Variants in QTMAN observed in about 807,000 individuals in gnomAD.
QTMAN encodes the protein tRNA-queuosine alpha-mannosyltransferase.
chr2:144,194,466 A>G, the QTMAN span, among the ~76,000 whole-genome samples: 1 of 152,184 alleles, frequency 6.6e-6, no homozygotes, highest in African/African-American at 2.4e-5. Context: ...AAAAACCATC[A>G]TATGTTCCTA....
At chr2:144,039,686 C>G in the QTMAN span, among the ~76,000 whole-genome samples, 1 of 152,108 alleles carries the variant, frequency 6.6e-6, no homozygotes, top group Non-Finnish European at 1.5e-5. Flanking sequence ...ATAGGCACAA[C>G]CTTTTCCTGA....
At chr2:144,145,635 A>G in the QTMAN span, 3 of 1,610,922 alleles carry the variant, frequency 1.9e-6, no homozygotes, top group Non-Finnish European at 2.5e-6. Flanking sequence ...GACAGGATAT[A>G]TCAACTGGTT....
At chr2:144,056,335 G>T in the QTMAN span, among the ~76,000 whole-genome samples, 1 of 152,158 alleles carries the variant, frequency 6.6e-6, no homozygotes, top group Non-Finnish European at 1.5e-5. Flanking sequence ...ACTATGTGTG[G>T]TCTGAACAAA....
the QTMAN span, among the ~76,000 whole-genome samples, chr2:144,176,023 A>T: frequency 6.6e-6 from 1 of 152,136 alleles, no homozygotes; most frequent in Non-Finnish European, 1.5e-5. Context: ...TGAGAACTTC[A>T]ATATTATTTT....
At chr2:144,206,817 G>A in the QTMAN span, among the ~76,000 whole-genome samples, 1 of 152,134 alleles carries the variant, frequency 6.6e-6, no homozygotes, top group African/African-American at 2.4e-5. Context: ...ATACAATAAT[G>A]TAATTCTGAA....
chr2:144,204,947 AAC>A, the QTMAN span, among the ~76,000 whole-genome samples: 1 of 139,688 alleles, frequency 7.2e-6, no homozygotes, highest in Non-Finnish European at 1.5e-5. Context: ...GAACAATGAG[AAC>A]ACATGGACAC....
the QTMAN span, among the ~76,000 whole-genome samples, chr2:144,044,585 T>C: frequency 6.6e-6 from 1 of 152,212 alleles, no homozygotes; most frequent in Admixed American, 6.5e-5. Context: ...TGTATTTTTT[T>C]CCCCAAGCCA....
At chr2:144,290,195 G>A in the QTMAN span, among the ~76,000 whole-genome samples, 1 of 152,050 alleles carries the variant, frequency 6.6e-6, no homozygotes, top group Non-Finnish European at 1.5e-5. Context: ...GGGGGCTAAG[G>A]GGATGGAACA....
At chr2:144,178,902 C>A in the QTMAN span, 1 of 453,518 alleles carries the variant, frequency 2.2e-6, no homozygotes. Context: ...TGCTTCATAC[C>A]AAAAGGTTAA....
chr2:143,992,867 G>C, the QTMAN span, among the ~76,000 whole-genome samples: 2 of 152,014 alleles, frequency 1.3e-5, no homozygotes, highest in African/African-American at 4.8e-5. Context: ...TTCCAAACAG[G>C]AATATGGAAT....
chr2:144,277,414 T>C, the QTMAN span, among the ~76,000 whole-genome samples: 1 of 152,108 alleles, frequency 6.6e-6, no homozygotes, highest in African/African-American at 2.4e-5. Flanking sequence ...TTTGCATGGG[T>C]CTAGGTTTTA....
chr2:144,102,390 G>C, the QTMAN span, among the ~76,000 whole-genome samples: 1 of 152,280 alleles, frequency 6.6e-6, no homozygotes, highest in East Asian at 1.9e-4. Context: ...GGTATACTAG[G>C]CATTTTGTGT....
chr2:144,102,075 T>C, the QTMAN span, among the ~76,000 whole-genome samples: 1 of 152,206 alleles, frequency 6.6e-6, no homozygotes, highest in African/African-American at 2.4e-5. Context: ...CAATACTAAG[T>C]GAGACTTAAA....
At chr2:144,144,489 T>C in the QTMAN span, among the ~76,000 whole-genome samples, 1 of 151,946 alleles carries the variant, frequency 6.6e-6, no homozygotes, top group African/African-American at 2.4e-5. Flanking sequence ...TTTTCCATAT[T>C]GATAAAGCAC....
chr2:144,226,205 A>C, the QTMAN span, among the ~76,000 whole-genome samples: 1 of 152,200 alleles, frequency 6.6e-6, no homozygotes, highest in African/African-American at 2.4e-5. Context: ...GGACAGCATG[A>C]AATACAGAGG....
At chr2:144,199,790 T>C in the QTMAN span, among the ~76,000 whole-genome samples, 1 of 152,204 alleles carries the variant, frequency 6.6e-6, no homozygotes, top group Non-Finnish European at 1.5e-5. Flanking sequence ...TAATTCTTTG[T>C]TCATGACATC....
At chr2:144,026,427 T>C in the QTMAN span, among the ~76,000 whole-genome samples, 4 of 151,942 alleles carry the variant, frequency 2.6e-5, no homozygotes, top group Admixed American at 6.6e-5. Flanking sequence ...AGAAATTCCA[T>C]CTCAAAAATA....
chr2:144,290,827 A>G, the QTMAN span, among the ~76,000 whole-genome samples: 6 of 152,300 alleles, frequency 3.9e-5, no homozygotes, highest in Admixed American at 3.3e-4. Context: ...TAATACTGCA[A>G]CCAGACCCCT....
At chr2:144,284,372 T>C in the QTMAN span, among the ~76,000 whole-genome samples, 2 of 151,966 alleles carry the variant, frequency 1.3e-5, no homozygotes, top group Non-Finnish European at 2.9e-5. Context: ...TACACCTACA[T>C]GATATATAAA....
Sources: gnomAD v4.1 joint callset for allele counts (sites outside exome capture counted in the v4.1 genomes callset) on GRCh38, gnomAD v4.1.1 for gene constraint, MANE v1.5 for transcripts, NCBI Gene and HGNC (gene_info 2026-07-23, HGNC 2026-07-21) for gene names.